CNTNAP2: variants seen among roughly 807,000 people sequenced by gnomAD.
CNTNAP2 encodes contactin-associated protein-like 2.
Under a neutral mutation model 155.2 loss-of-function variants are expected in CNTNAP2, and 98 were observed. That is an observed-to-expected ratio of 0.63 (90% CI 0.54 to 0.75). The LOEUF is 0.75. CNTNAP2 is among the 30% of genes least tolerant of loss of function. The pLI is 0.00. For synonymous variants in CNTNAP2, 651 were observed against 631.2 expected, an observed-to-expected ratio of 1.03 and a Z score of -0.47; for missense variants, 1,727 against 1,688.1, an observed-to-expected ratio of 1.02 and a Z score of -0.40.
At chr7:146,760,409 CTTTTTTTTTTTTTTTTT>C (rs532820418) in intron 1 of CNTNAP2, among the ~76,000 whole-genome samples, 55 of 56,296 alleles carry the variant, frequency 9.8e-4, no homozygotes, top group Middle Eastern at 0.013. Context: ...TCCAATTTAC[CTTTTTTTTTTTTTTTTT>C]TTTTTTTTTT....
chr7:148,118,092 C>A, intron 15 of CNTNAP2, 26 bp from the exon 16 acceptor site: 1 of 1,613,390 alleles, frequency 6.2e-7, no homozygotes, highest in Non-Finnish European at 8.5e-7. Context: ...GTGAGTTAAC[C>A]TGATTTTTTT....
chr7:146,261,143 G>A (rs1799913787), intron 1 of CNTNAP2, among the ~76,000 whole-genome samples: 1 of 152,078 alleles, frequency 6.6e-6, no homozygotes, highest in African/African-American at 2.4e-5. Context: ...TGCCATGATT[G>A]TAAGTTTCCT....
At chr7:147,204,317 G>A (rs184554031) in intron 8 of CNTNAP2, among the ~76,000 whole-genome samples, 3 of 152,186 alleles carry the variant, frequency 2.0e-5, no homozygotes, top group Admixed American at 2.0e-4. Flanking sequence ...CATTTAAATT[G>A]AAGATGAAAT....
At chr7:148,197,466 A>G (rs1435951251) in intron 18 of CNTNAP2, among the ~76,000 whole-genome samples, 2 of 152,220 alleles carry the variant, frequency 1.3e-5, no homozygotes, top group South Asian at 2.1e-4. Flanking sequence ...TTCTCCCTAG[A>G]ATAATGCCTT....
intron 14 of CNTNAP2, among the ~76,000 whole-genome samples, chr7:147,905,688 G>A (rs1234551252): frequency 6.6e-6 from 1 of 152,312 alleles, no homozygotes; most frequent in African/African-American, 2.4e-5. Context: ...TTCGAGACCA[G>A]CCTGCCCAAC....
chr7:147,422,025 C>T (rs1049424197), intron 10 of CNTNAP2, among the ~76,000 whole-genome samples: 3 of 151,028 alleles, frequency 2.0e-5, no homozygotes, highest in African/African-American at 7.3e-5. Context: ...GAATAAATTA[C>T]CAAGTCTTAG....
chr7:146,640,531 T>C (rs1025522336), intron 1 of CNTNAP2, among the ~76,000 whole-genome samples: 5 of 152,170 alleles, frequency 3.3e-5, no homozygotes, highest in African/African-American at 1.2e-4. Flanking sequence ...AGTGGCAAAA[T>C]GTACATGAGG....
intron 14 of CNTNAP2, among the ~76,000 whole-genome samples, chr7:147,913,516 C>A (rs1800105080): frequency 6.6e-6 from 1 of 151,932 alleles, no homozygotes. Context: ...TAGGGCCCAA[C>A]AACAGGCAGT....
At chr7:148,229,599 G>A in intron 19 of CNTNAP2, 47 bp from the exon 20 acceptor site, 1 of 1,610,176 alleles carries the variant, frequency 6.2e-7, no homozygotes, top group Non-Finnish European at 8.5e-7. Flanking sequence ...ACATTAAAAT[G>A]AAATTTAGGG....
At position 147,121,012 on chromosome 7, in the gene CNTNAP2, C is replaced by T. The variant is rs200933217; in HGVS notation, c.788C>T (p.Thr263Ile). 2 of 1,613,786 alleles carry T rather than the reference C, an allele frequency of 1.2e-6. No homozygotes were observed. The highest frequency in any genetic ancestry group is 8.5e-7 in the Non-Finnish European group (1 of 1,179,992). Residue 263 changes from threonine (T) to isoleucine (I), a missense_variant, in exon 6 of 24, where the codon ACA (threonine) becomes ATA (isoleucine). By Grantham distance (89) the Thr-to-Ile change is moderately conservative. Coordinates refer to ENST00000361727, the MANE Select transcript of CNTNAP2 (RefSeq NM_014141.6). ...CAGCTTGGCCCCATATATGGCCACA[C>T]ATCAGTGATGACAGGAAGTTTGCTG... is the stretch of plus-strand genomic sequence containing the variant. The part of the protein sequence containing the change: ...SNQLGPIYGH[T>I]SVMTGSLLDD...
At chr7:147,064,581 C>CAG in intron 4 of CNTNAP2, among the ~76,000 whole-genome samples, 1 of 152,152 alleles carries the variant, frequency 6.6e-6, no homozygotes, top group East Asian at 1.9e-4. Flanking sequence ...TGCACACACA[C>CAG]CGCCTTTCTT....
At chr7:147,103,862 G>A (rs1230378317) in intron 4 of CNTNAP2, among the ~76,000 whole-genome samples, 1 of 152,006 alleles carries the variant, frequency 6.6e-6, no homozygotes, top group Non-Finnish European at 1.5e-5. Context: ...TCCAAACTGA[G>A]AAAGATTCTA....
chr7:147,170,358 C>G (rs1019750489), intron 8 of CNTNAP2, among the ~76,000 whole-genome samples: 2 of 152,068 alleles, frequency 1.3e-5, no homozygotes, highest in Non-Finnish European at 2.9e-5. Context: ...GGGGTAACCC[C>G]CTCACCAGTT....
At chr7:147,660,378 T>C (rs750924717) in intron 13 of CNTNAP2, among the ~76,000 whole-genome samples, 4 of 152,192 alleles carry the variant, frequency 2.6e-5, no homozygotes, top group Non-Finnish European at 4.4e-5. Context: ...AGATTACTCT[T>C]AGCCCAAGGT....
rs1490193702 is a variant in CNTNAP2, at chr7:147,044,134, C to T, written c.550+80C>T. On this transcript the variant is annotated intron_variant, in intron 4 of 23. Coordinates refer to ENST00000361727, the MANE Select transcript of CNTNAP2 (RefSeq NM_014141.6). ...AGCTGTTTTATTTTAAATTATTTAA[C>T]ATTACTTGCTTTCTCTGACAATAAA... The T allele has an allele frequency of 3.3e-6, 5 of 1,515,406 alleles. No individual in the cohort carries two copies. In the Admixed American group the frequency reaches 5.1e-5, roughly 15 times the overall value. 93.9% of individuals were successfully genotyped at this position (1,515,406 alleles called of 1,614,324 possible).
At chr7:147,177,003 A>G (rs1037193721) in intron 8 of CNTNAP2, among the ~76,000 whole-genome samples, 8 of 141,860 alleles carry the variant, frequency 5.6e-5, no homozygotes, top group Admixed American at 4.4e-4. Context: ...CTATATCTAT[A>G]ATTATATATA....
intron 3 of CNTNAP2, among the ~76,000 whole-genome samples, chr7:146,854,186 A>G (rs1189702948): frequency 1.3e-5 from 2 of 152,204 alleles, no homozygotes; most frequent in Admixed American, 1.3e-4. Flanking sequence ...ATGTGTGGCA[A>G]TCTCCAATCC....
At chr7:148,080,973 G>A (rs921722049) in intron 15 of CNTNAP2, among the ~76,000 whole-genome samples, 2 of 152,182 alleles carry the variant, frequency 1.3e-5, no homozygotes, top group African/African-American at 4.8e-5. Context: ...AAGAATAAAG[G>A]AGACTCAAGG....
intron 8 of CNTNAP2, among the ~76,000 whole-genome samples, chr7:147,287,535 A>T (rs1805207560): frequency 6.6e-6 from 1 of 152,058 alleles, no homozygotes; most frequent in African/African-American, 2.4e-5. Flanking sequence ...GAAAATTTAG[A>T]GTACTCCAAG....
Sources: allele counts gnomAD v4.1 joint callset (sites outside exome capture counted in the v4.1 genomes callset), GRCh38; gene constraint gnomAD v4.1.1; transcripts MANE v1.5; gene names NCBI Gene and HGNC (gene_info 2026-07-23, HGNC 2026-07-21).